The following ARMC8 variants were observed in gnomAD, a reference collection of about 807,000 sequenced individuals.
ARMC8 encodes armadillo repeat containing 8, also known as armadillo repeat-containing protein 8.
In ARMC8, 20 loss-of-function variants were observed where a neutral mutation model predicts 99.3. The ratio of observed to expected loss-of-function variants is 0.20; its 90% CI spans 0.14 to 0.29. ARMC8 has a LOEUF of 0.29. Ranked by LOEUF, ARMC8 falls within the 10% of genes least tolerant of loss-of-function variation. The probability of loss-of-function intolerance (pLI) is 1.00; values close to 1 mark genes in which losing one functional copy is unlikely to be tolerated. For synonymous variants in ARMC8, 263 were observed against 278.3 expected, an observed-to-expected ratio of 0.95 and a Z score of 0.55; for missense variants, 569 against 809.5, an observed-to-expected ratio of 0.70 and a Z score of 3.60.
chr3:138,195,766 T>A (rs1486291641), intron 1 of ARMC8, among the ~76,000 whole-genome samples: 1 of 151,630 alleles, frequency 6.6e-6, no homozygotes, highest in Non-Finnish European at 1.5e-5. Flanking sequence ...AGTGCTATGA[T>A]CCCTGGGACT....
chr3:138,273,231 C>A, intron 17 of ARMC8, 115 bp downstream of exon 17: 1 of 1,114,292 alleles, frequency 9.0e-7, no homozygotes, highest in Non-Finnish European at 1.3e-6. Context: ...TCAAATGCTG[C>A]CCCCTTCCAA....
intron 12 of ARMC8, among the ~76,000 whole-genome samples, chr3:138,258,654 C>T (rs2108241243): frequency 6.6e-6 from 1 of 152,326 alleles, no homozygotes; most frequent in Non-Finnish European, 1.5e-5. Context: ...TCTAATAGAT[C>T]CTTATCCACT....
chr3:138,200,105 ATAAGT>A (rs1364404785), intron 1 of ARMC8, among the ~76,000 whole-genome samples: 2 of 152,230 alleles, frequency 1.3e-5, no homozygotes, highest in African/African-American at 2.4e-5. Context: ...GCATTCATAG[ATAAGT>A]TAACTGTCCT....
At chr3:138,250,188 G>A (rs926793224) in intron 12 of ARMC8, among the ~76,000 whole-genome samples, 5 of 152,014 alleles carry the variant, frequency 3.3e-5, no homozygotes, top group Non-Finnish European at 7.4e-5. Flanking sequence ...CTTTTTCCTA[G>A]CAAAGGAAGT....
chr3:138,264,148 C>T lies in ARMC8; in HGVS notation c.1235C>T (p.Ser412Phe). 6.2e-7 allele frequency: 1 copy of T among 1,613,474 alleles called. No homozygotes were observed. The highest frequency in any genetic ancestry group is 8.5e-7 in the Non-Finnish European group (1 of 1,179,450). The change falls in exon 14 of 22, where the codon TCC (serine) becomes TTC (phenylalanine). Residue 412 changes from serine (S) to phenylalanine (F), a missense_variant. Physicochemically the swap from Ser to Phe is radical, Grantham distance 155. Coordinates refer to ENST00000469044, the MANE Select transcript of ARMC8 (RefSeq NM_001363941.2). ...LAAVRCLHSL[S>F]RSVQQLRTSF... ...CTTTGTAGATGTTTGCACAGTTTAT[C>T]CAGATCTGTGCAGCAGCTTCGAACC... is the stretch of plus-strand genomic sequence containing the variant.
At chr3:138,262,260 T>G in intron 12 of ARMC8, 1 of 317,476 alleles carries the variant, frequency 3.1e-6, no homozygotes, top group South Asian at 7.2e-5. Flanking sequence ...GAGGTGACAA[T>G]GAGGACAGAG....
chr3:138,222,023 T>C, intron 3 of ARMC8, 26 bp downstream of exon 3: 1 of 1,570,934 alleles, frequency 6.4e-7, no homozygotes, highest in Non-Finnish European at 8.8e-7. Flanking sequence ...CACCCCTTTC[T>C]TGCCATTCAT....
At chr3:138,255,624 A>G (rs1025697055) in intron 12 of ARMC8, among the ~76,000 whole-genome samples, 4 of 152,228 alleles carry the variant, frequency 2.6e-5, no homozygotes, top group African/African-American at 9.6e-5. Context: ...CTGAGACCCC[A>G]GAATGTAATA....
intron 6 of ARMC8, among the ~76,000 whole-genome samples, chr3:138,231,222 A>G (rs1576693872): frequency 6.6e-6 from 1 of 152,232 alleles, no homozygotes; most frequent in African/African-American, 2.4e-5. Flanking sequence ...TTTGAGAACA[A>G]CTGATCCAAT....
intron 12 of ARMC8, among the ~76,000 whole-genome samples, chr3:138,254,416 T>C (rs1274698487): frequency 1.3e-5 from 2 of 152,178 alleles, no homozygotes; most frequent in African/African-American, 2.4e-5. Context: ...GGTGCATGCC[T>C]GTGTATATAG....
intron 12 of ARMC8, among the ~76,000 whole-genome samples, chr3:138,263,115 A>G (rs375351062): frequency 6.6e-6 from 1 of 152,272 alleles, no homozygotes; most frequent in African/African-American, 2.4e-5. Context: ...AGTCAAATTC[A>G]GTTTCCTTCA....
At chr3:138,282,725 G>A (rs527300878) in intron 18 of ARMC8, among the ~76,000 whole-genome samples, 4 of 151,416 alleles carry the variant, frequency 2.6e-5, no homozygotes, top group Non-Finnish European at 5.9e-5. Context: ...GGAAAGCAAC[G>A]ATAATTCACT....
At chr3:138,211,421 G>A (rs1347412486) in intron 2 of ARMC8, among the ~76,000 whole-genome samples, 8 of 152,116 alleles carry the variant, frequency 5.3e-5, no homozygotes, top group African/African-American at 9.7e-5. Flanking sequence ...TAGCTGATTC[G>A]AATGTTGTCA....
chr3:138,208,088 GT>G (rs34408382), intron 1 of ARMC8, among the ~76,000 whole-genome samples: 4,599 of 146,408 alleles, frequency 0.031, 250 homozygotes, highest in African/African-American at 0.11. Context: ...CGGCATCTCT[GT>G]TTTTTTTTTT....
At chr3:138,240,809 C>A (rs540137320) in intron 10 of ARMC8, among the ~76,000 whole-genome samples, 1 of 152,310 alleles carries the variant, frequency 6.6e-6, no homozygotes, top group African/African-American at 2.4e-5. Context: ...ATTGTCCTTT[C>A]AAGTGGATCC....
At chr3:138,273,521 T>TC (rs1455161921) in intron 17 of ARMC8, among the ~76,000 whole-genome samples, 1 of 152,138 alleles carries the variant, frequency 6.6e-6, no homozygotes, top group African/African-American at 2.4e-5. Context: ...ATAGACCATC[T>TC]CCCTACCCAC....
At chr3:138,263,913 A>G (rs752296712) in intron 13 of ARMC8, 92 bp downstream of exon 13, 12 of 1,207,568 alleles carry the variant, frequency 9.9e-6, no homozygotes, top group Non-Finnish European at 1.4e-5. Context: ...ACAGACTACA[A>G]ATGTTCCTCA....
chr3:138,217,149 A>G (rs981265726), intron 2 of ARMC8, among the ~76,000 whole-genome samples: 1 of 152,182 alleles, frequency 6.6e-6, no homozygotes, highest in African/African-American at 2.4e-5. Context: ...TGTTCACACA[A>G]GGACAAAGTT....
At chr3:138,188,211 C>T in intron 1 of ARMC8, 1 of 391,236 alleles carries the variant, frequency 2.6e-6, no homozygotes, top group Non-Finnish European at 4.6e-6. Context: ...TTCCTCCGCT[C>T]TGCTCAGAGG....
Sources: allele counts gnomAD v4.1 joint callset (sites outside exome capture counted in the v4.1 genomes callset), GRCh38; gene constraint gnomAD v4.1.1; transcripts MANE v1.5; gene names NCBI Gene and HGNC (gene_info 2026-07-23, HGNC 2026-07-21).